TEAD1: variants seen among roughly 807,000 people sequenced by gnomAD.
TEAD1 encodes TEA domain transcription factor 1, also known as transcriptional enhancer factor TEF-1.
TEAD1 carries 9 observed loss-of-function variants against 54.9 expected under a neutral mutation model. That is an observed-to-expected ratio of 0.16 (90% CI 0.10 to 0.29). TEAD1 has a LOEUF of 0.29. Ranked by LOEUF, TEAD1 falls within the 10% of genes least tolerant of loss-of-function variation. TEAD1 has a pLI of 1.00. For synonymous variants in TEAD1, 200 were observed against 187.8 expected, an observed-to-expected ratio of 1.07 and a Z score of -0.53; for missense variants, 387 against 535.9, an observed-to-expected ratio of 0.72 and a Z score of 2.74.
chr11:12,723,725 T>C (rs1944258941), intron 2 of TEAD1, among the ~76,000 whole-genome samples: 1 of 152,220 alleles, frequency 6.6e-6, no homozygotes, highest in Non-Finnish European at 1.5e-5. Context: ...TTATAAAATG[T>C]AGGTTGCCTA....
At chr11:12,700,080 G>T (rs921328692) in intron 2 of TEAD1, among the ~76,000 whole-genome samples, 5 of 152,120 alleles carry the variant, frequency 3.3e-5, no homozygotes, top group African/African-American at 9.7e-5. Flanking sequence ...TCCCTTTTAG[G>T]TCATTCTGGT....
chr11:12,853,086 C>T (rs978721732), intron 3 of TEAD1, among the ~76,000 whole-genome samples: 1 of 152,128 alleles, frequency 6.6e-6, no homozygotes, highest in African/African-American at 2.4e-5. Context: ...CTGGCTTACC[C>T]CTCTTCATAC....
Position 12,944,496 on chromosome 11 carries a change from A to T in TEAD1, c.*7274A>T, listed in dbSNP as rs559444075. ...TAAAGTGCTTTGTAAAAAAAAAAAA[A>T]TGTATTCTAGCTTTTGCGGTACATA... On this transcript the variant is annotated 3_prime_UTR_variant, in exon 13 of 13. Transcript: ENST00000527636. The T allele has an allele frequency of 3.9e-5, 6 of 152,352 alleles. No individual in the cohort carries two copies. In the South Asian group the frequency reaches 1.2e-3, roughly 32 times the overall value. The allele number at this position is 152,352 out of a possible 1,614,324, so 9.4% of individuals were successfully genotyped here. A position where few individuals can be genotyped will look rare whatever the true frequency, so the allele number is the denominator to read the frequency against.
intron 2 of TEAD1, among the ~76,000 whole-genome samples, chr11:12,709,319 T>C (rs1023473345): frequency 3.3e-5 from 5 of 151,100 alleles, no homozygotes; most frequent in African/African-American, 1.2e-4. Flanking sequence ...GCCTGGATGA[T>C]AGAGCAAGAT....
intron 3 of TEAD1, among the ~76,000 whole-genome samples, chr11:12,795,774 GAT>G (rs1945905008): frequency 6.6e-6 from 1 of 152,150 alleles, no homozygotes; most frequent in Non-Finnish European, 1.5e-5. Flanking sequence ...CAGTCAGTTT[GAT>G]GAAGCACCTG....
At chr11:12,840,246 C>CAAAAAAAAAAAAAAAAAAAAAAA (rs1176865272) in intron 3 of TEAD1, among the ~76,000 whole-genome samples, 15 of 31,566 alleles carry the variant, frequency 4.8e-4, no homozygotes, top group East Asian at 2.7e-3. Flanking sequence ...GACTCTGCCT[C>CAAAAAAAAAAAAAAAAAAAAAAA]AAAAAAAAAA....
At chr11:12,891,642 G>A (rs887650097) in intron 9 of TEAD1, among the ~76,000 whole-genome samples, 1 of 152,218 alleles carries the variant, frequency 6.6e-6, no homozygotes, top group Non-Finnish European at 1.5e-5. Flanking sequence ...AAATAAGCTT[G>A]TTGAAATACC....
At chr11:12,913,514 A>AT (rs1948655221) in intron 10 of TEAD1, among the ~76,000 whole-genome samples, 1 of 152,118 alleles carries the variant, frequency 6.6e-6, no homozygotes, top group Admixed American at 6.5e-5. Flanking sequence ...CTGCAACTTC[A>AT]TTTTCCCTAC....
At chr11:12,733,675 A>G (rs886571317) in intron 2 of TEAD1, among the ~76,000 whole-genome samples, 6 of 152,170 alleles carry the variant, frequency 3.9e-5, no homozygotes, top group African/African-American at 1.4e-4. Context: ...GTGAGTTTGT[A>G]TTTCTATATA....
At chr11:12,681,637 G>A (rs1943223749) in intron 2 of TEAD1, among the ~76,000 whole-genome samples, 1 of 152,242 alleles carries the variant, frequency 6.6e-6, no homozygotes, top group South Asian at 2.1e-4. Context: ...AGGTGGCTCA[G>A]TGGAAGTCTG....
chr11:12,797,031 T>G (rs946740860), intron 3 of TEAD1, among the ~76,000 whole-genome samples: 1 of 152,084 alleles, frequency 6.6e-6, no homozygotes, highest in Non-Finnish European at 1.5e-5. Context: ...GAGAATGGCG[T>G]GAACCCGGGA....
chr11:12,910,768 A>G (rs566023496), intron 10 of TEAD1, among the ~76,000 whole-genome samples: 67 of 78,082 alleles, frequency 8.6e-4, no homozygotes, highest in African/African-American at 3.0e-3. Flanking sequence ...TTTTTTTGAG[A>G]TGGAGTCTCG....
chr11:12,930,122 T>C (rs1948988457), intron 11 of TEAD1, 52 bp from the exon 12 acceptor site: 3 of 1,610,544 alleles, frequency 1.9e-6, no homozygotes, highest in African/African-American at 2.7e-5. Context: ...ATCTGTTTCA[T>C]GTGTTTTGGA....
At chr11:12,783,191 C>CTTT (rs1564938284) in intron 3 of TEAD1, among the ~76,000 whole-genome samples, 1,260 of 114,056 alleles carry the variant, frequency 0.011, 58 homozygotes, top group African/African-American at 0.045. Flanking sequence ...AGTTTTTGTG[C>CTTT]CTTTTTTTTT....
At chr11:12,769,022 A>G (rs1036088457) in intron 3 of TEAD1, among the ~76,000 whole-genome samples, 1 of 152,126 alleles carries the variant, frequency 6.6e-6, no homozygotes, top group South Asian at 2.1e-4. Context: ...GATGTCTGGA[A>G]GATTCTAGTG....
intron 3 of TEAD1, among the ~76,000 whole-genome samples, chr11:12,843,769 C>G (rs1947087286): frequency 6.6e-6 from 1 of 152,190 alleles, no homozygotes; most frequent in Non-Finnish European, 1.5e-5. Context: ...GATGTCTTGC[C>G]AGCCATAATT....
rs1261389374 is a variant in TEAD1 at position 12,930,199 on chromosome 11, G to A, written c.1040G>A (p.Gly347Asp). 6.2e-7 allele frequency: 1 copy of A among 1,614,028 alleles called. No individual in the cohort carries two copies. The highest frequency in any genetic ancestry group is 1.3e-5 in the African/African-American group (1 of 74,904). ...ACGGAGTATGCAAGGTTTGAGAATG[G>A]CCGATTTGTATACCGAATAAACCGC... Residue 347 changes from glycine to aspartate, a missense_variant, in exon 12 of 13, where the codon GGC becomes GAC. Gly to Asp is a moderately conservative substitution (Grantham distance 94, BLOSUM62 -1). This residue lies in a region of TEAD1 where 123 missense variants were observed against 199.0 expected (regional missense o/e 0.62). Transcript: ENST00000527636.
At chr11:12,921,355 G>A (rs1050794152) in intron 10 of TEAD1, 1 of 152,056 alleles carries the variant, frequency 6.6e-6, no homozygotes, top group Non-Finnish European at 1.5e-5. Context: ...TGACCAACGT[G>A]GAGAAACCTC....
At chr11:12,698,834 G>C (rs1478678340) in intron 2 of TEAD1, among the ~76,000 whole-genome samples, 5 of 152,172 alleles carry the variant, frequency 3.3e-5, no homozygotes, top group African/African-American at 1.2e-4. Flanking sequence ...AGATGCTTCA[G>C]GGAAACTTCA....
Sources: gnomAD v4.1 joint callset for allele counts (sites outside exome capture counted in the v4.1 genomes callset) on GRCh38, gnomAD v4.1.1 for gene constraint, gnomAD v4.1.1 regional missense constraint, MANE v1.5 for transcripts, NCBI Gene and HGNC (gene_info 2026-07-23, HGNC 2026-07-21) for gene names.